Variants in MAML2 observed in about 807,000 individuals in gnomAD.
The protein encoded by MAML2 is mastermind like transcriptional coactivator 2, also known as mastermind-like protein 2.
A neutral mutation model predicts 96.1 loss-of-function variants in MAML2; 22 were observed. The ratio of observed to expected loss-of-function variants is 0.23; its 90% CI spans 0.16 to 0.33. The LOEUF is 0.33. Ranked by LOEUF, MAML2 falls within the 10% of genes least tolerant of loss-of-function variation. MAML2 has a pLI of 1.00. For missense variants in MAML2, 1,367 were observed against 1,392.4 expected, an observed-to-expected ratio of 0.98 and a Z score of 0.29; for synonymous variants, 561 against 521.3, an observed-to-expected ratio of 1.08 and a Z score of -1.04.
chr11:96,332,722 G>C (rs1863870123), intron 1 of MAML2, among the ~76,000 whole-genome samples: 1 of 152,206 alleles, frequency 6.6e-6, no homozygotes. Flanking sequence ...GGTTTAGCAA[G>C]TATCAGAAAC....
intron 1 of MAML2, among the ~76,000 whole-genome samples, chr11:96,187,576 A>G (rs887155276): frequency 5.3e-5 from 8 of 152,128 alleles, no homozygotes; most frequent in South Asian, 4.1e-4. Flanking sequence ...TGGGAGGCCG[A>G]GGGTGGTGGA....
rs141112712 is a variant in MAML2, at chr11:96,119,053, G to C, written c.514-25536C>G. On this transcript the variant is annotated intron_variant, in intron 1 of 4. Transcript: ENST00000524717. The stretch of plus-strand genomic sequence containing the variant: ...TAAAAACATTTTTATGTCCATTACT[G>C]CATTTGATTCTCATAATAGCCCTGT... Among the ~76,000 whole-genome samples the C allele has an allele frequency of 1.5e-3, 223 of 152,032 alleles. 2 individuals carry two copies. Among genetic ancestry groups the C allele is most frequent in the African/African-American group, 5.1e-3 (211 of 41,454 alleles).
chr11:96,113,394 T>A (rs1860167036), intron 1 of MAML2, among the ~76,000 whole-genome samples: 1 of 152,094 alleles, frequency 6.6e-6, no homozygotes, highest in Non-Finnish European at 1.5e-5. Context: ...ACATATTAAC[T>A]CATTTTACAT....
intron 1 of MAML2, among the ~76,000 whole-genome samples, chr11:96,312,914 T>A (rs1167407730): frequency 2.6e-5 from 4 of 152,232 alleles, no homozygotes; most frequent in Admixed American, 6.5e-5. Flanking sequence ...AGTCCATCTC[T>A]TTATTAAATG....
At chr11:96,034,553 C>A (rs1858674369) in intron 2 of MAML2, among the ~76,000 whole-genome samples, 1 of 152,018 alleles carries the variant, frequency 6.6e-6, no homozygotes, top group African/African-American at 2.4e-5. Flanking sequence ...CATCAACTTA[C>A]TATAAAGCTC....
chr11:96,315,794 C>T (rs562669675), intron 1 of MAML2, among the ~76,000 whole-genome samples: 2 of 152,196 alleles, frequency 1.3e-5, no homozygotes, highest in Admixed American at 6.5e-5. Context: ...AGTCCCTGCA[C>T]AGAGGAGCTG....
intron 1 of MAML2, among the ~76,000 whole-genome samples, chr11:96,292,868 T>G (rs566927387): frequency 1.3e-5 from 2 of 151,960 alleles, no homozygotes; most frequent in Non-Finnish European, 2.9e-5. Context: ...GGGAGCAAAG[T>G]CTAGCTGTCT....
chr11:96,290,962 T>A (rs1863200182), intron 1 of MAML2, among the ~76,000 whole-genome samples: 1 of 152,132 alleles, frequency 6.6e-6, no homozygotes, highest in South Asian at 2.1e-4. Context: ...GGCTTGTCAC[T>A]TTTTGTATGT....
Position 96,252,174 on chromosome 11 carries a change from TAC to T in MAML2, c.513+89207_513+89208del, listed in dbSNP as rs1491545323. Among the ~76,000 whole-genome samples the T allele has an allele frequency of 8.1e-3, 1,220 of 149,998 alleles. 24 individuals are homozygous for T. The highest frequency in any genetic ancestry group is 0.028 in the African/African-American group (1,133 of 40,684). On this transcript the variant is annotated intron_variant, in intron 1 of 4. Coordinates refer to ENST00000524717, the MANE Select transcript of MAML2 (RefSeq NM_032427.4). The stretch of plus-strand genomic sequence containing the variant: ...TGGGAAATATGTGCTTCTCTCTCTC[TAC>T]ACACACACACACACACACCCCACAC...
chr11:96,028,220 T>C (rs1172606133), intron 2 of MAML2, among the ~76,000 whole-genome samples: 3 of 152,254 alleles, frequency 2.0e-5, no homozygotes, highest in Non-Finnish European at 4.4e-5. Flanking sequence ...TTTCCTCATA[T>C]ATTTGCTCCC....
intron 2 of MAML2, among the ~76,000 whole-genome samples, chr11:96,072,857 T>C (rs888135463): frequency 1.3e-5 from 2 of 152,232 alleles, no homozygotes; most frequent in East Asian, 1.9e-4. Flanking sequence ...CCCAACATGA[T>C]AAACTCCATT....
At chr11:96,294,042 A>G (rs962569518) in intron 1 of MAML2, among the ~76,000 whole-genome samples, 1 of 152,244 alleles carries the variant, frequency 6.6e-6, no homozygotes, top group East Asian at 1.9e-4. Flanking sequence ...AGAGAGGCCA[A>G]TGAATTTTAA....
Position 96,092,513 on chromosome 11 carries a change from C to T in MAML2, c.1518G>A (p.Gln506=). ...ACATGTAGTTAGCCATTACTTTCGA[C>T]TGGCCGCTGCCGCCAGCTACCCCAG... ...PMPGVAGGSG[Q]SKVMANYMYK... Residue 506 remains glutamine (Q), a synonymous_variant, in exon 2 of 5, where the codon CAG becomes CAA. Transcript: ENST00000524717. This position sits in a 1 kb window ranked among gnomAD's most constrained non-coding sequence, Gnocchi z 4.1. 2 of 1,595,842 alleles carry T rather than the reference C, an allele frequency of 1.3e-6. No homozygotes were observed. The highest frequency in any genetic ancestry group is 1.7e-6 in the Non-Finnish European group (2 of 1,168,952).
intron 1 of MAML2, among the ~76,000 whole-genome samples, chr11:96,247,886 C>A (rs925284286): frequency 6.6e-6 from 1 of 152,072 alleles, no homozygotes; most frequent in Non-Finnish European, 1.5e-5. Context: ...ACACATCTGA[C>A]CACTTAACTG....
chr11:96,248,544 T>A (rs1862540953), intron 1 of MAML2, among the ~76,000 whole-genome samples: 1 of 152,170 alleles, frequency 6.6e-6, no homozygotes, highest in Non-Finnish European at 1.5e-5. Context: ...ACCCTCTCCC[T>A]ATGCATTAGA....
At chr11:96,227,656 A>AAAT (rs1862234247) in intron 1 of MAML2, among the ~76,000 whole-genome samples, 1 of 152,216 alleles carries the variant, frequency 6.6e-6, no homozygotes, top group African/African-American at 2.4e-5. Context: ...GGTAAAATGG[A>AAAT]AATAATAATA....
chr11:96,246,485 T>C (rs1862513920), intron 1 of MAML2, among the ~76,000 whole-genome samples: 1 of 152,022 alleles, frequency 6.6e-6, no homozygotes, highest in Non-Finnish European at 1.5e-5. Context: ...AAGGAGGGCG[T>C]CAGAGAGGAG....
rs1161930974 is a variant in MAML2 at position 95,977,994 on chromosome 11, C to A, written c.*954G>T. On this transcript the variant is annotated 3_prime_UTR_variant, in exon 5 of 5. Transcript: ENST00000524717. ...TCTCCAAACTTCCTTTTCTTATAAA[C>A]CAGCCTCAGTCATCAAAATGAGTAG... is the stretch of plus-strand genomic sequence containing the variant. 5 of 220,900 alleles carry A rather than the reference C, an allele frequency of 2.3e-5. No individual in the cohort carries two copies. Among genetic ancestry groups the A allele is most frequent in the Non-Finnish European group, 4.5e-5 (5 of 110,328 alleles). 13.7% of individuals were successfully genotyped at this position (220,900 alleles called of 1,614,324 possible). A position where few individuals can be genotyped will look rare whatever the true frequency, so the allele number is the denominator to read the frequency against.
At chr11:96,197,184 A>G (rs1437773465) in intron 1 of MAML2, among the ~76,000 whole-genome samples, 5 of 152,218 alleles carry the variant, frequency 3.3e-5, no homozygotes, top group Admixed American at 3.3e-4. Context: ...ACTCAGAGTC[A>G]CCATTGCTTT....
Sources: gnomAD v4.1 joint callset for allele counts (sites outside exome capture counted in the v4.1 genomes callset) on GRCh38, gnomAD v4.1.1 for gene constraint, Gnocchi (gnomAD v3.1) non-coding constraint, MANE v1.5 for transcripts, NCBI Gene and HGNC (gene_info 2026-07-23, HGNC 2026-07-21) for gene names.